FAM204A: variants seen among roughly 807,000 people sequenced by gnomAD.
FAM204A encodes the protein protein FAM204A.
A neutral mutation model predicts 35.4 loss-of-function variants in FAM204A; 16 were observed. That is an observed-to-expected ratio of 0.45 (90% CI 0.31 to 0.69). The LOEUF (loss-of-function observed/expected upper bound fraction) is 0.69, where lower values mean the gene tolerates loss of function less well. Among genes scored for constraint, FAM204A ranks in the 30% least tolerant of loss-of-function variants. The pLI is 0.07. For synonymous variants in FAM204A, 76 were observed against 86.9 expected, an observed-to-expected ratio of 0.88 and a Z score of 0.70; for missense variants, 240 against 265.7, an observed-to-expected ratio of 0.90 and a Z score of 0.67.
intron 7 of FAM204A, among the ~76,000 whole-genome samples, chr10:118,318,212 A>G (rs1164093201): frequency 6.6e-6 from 1 of 152,064 alleles, no homozygotes; most frequent in Non-Finnish European, 1.5e-5. Context: ...AACAAAAGAA[A>G]AAGTAAGGGA....
intron 2 of FAM204A, among the ~76,000 whole-genome samples, chr10:118,338,285 A>G (rs1292311932): frequency 6.6e-6 from 1 of 152,220 alleles, no homozygotes; most frequent in South Asian, 2.1e-4. Flanking sequence ...CCAATAGCAC[A>G]AAAGACATCA....
intron 7 of FAM204A, among the ~76,000 whole-genome samples, chr10:118,313,320 A>T (rs1845981933): frequency 6.6e-6 from 1 of 152,138 alleles, no homozygotes; most frequent in South Asian, 2.1e-4. Flanking sequence ...GCATCTCAAC[A>T]TGTGGCTTTC....
Position 118,337,367 on chromosome 10 carries a change from G to A in FAM204A, c.-8-944C>T, listed in dbSNP as rs751700596. 5.9e-4 allele frequency: 229 copies of A among 386,536 alleles called. 1 individual carries two copies. Among genetic ancestry groups the A allele is most frequent in the Middle Eastern group, 1.3e-3 (1 of 798 alleles). The allele number at this position is 386,536 out of a possible 1,614,324, so 23.9% of individuals were successfully genotyped here. On this transcript the variant is annotated intron_variant, in intron 2 of 8. Coordinates refer to ENST00000369183, the MANE Select transcript of FAM204A (RefSeq NM_022063.3). ...ATATGAAGGAATAAAATGGAAGGAC[G>A]GAAATTTGTTTTGCAGTTTTCTGTC...
At chr10:118,335,293 A>T in intron 5 of FAM204A, 80 bp from the exon 6 acceptor site, 1 of 1,548,458 alleles carries the variant, frequency 6.5e-7, no homozygotes, top group Non-Finnish European at 8.8e-7. Flanking sequence ...TACTACAATT[A>T]TACTACAATT....
rs1419897609 is a variant in FAM204A at position 118,306,918 on chromosome 10, G to A, written c.*3939C>T. On this transcript the variant is annotated 3_prime_UTR_variant, in exon 9 of 9. Coordinates refer to ENST00000369183, the MANE Select transcript of FAM204A (RefSeq NM_022063.3). ...TTCTTTTAAAGCAAGCAGTGTGGAGGGAGGATGAAATAATAAAGATTAAAG... is the reference window on the plus strand; with the variant it reads ...TTCTTTTAAAGCAAGCAGTGTGGAGAGAGGATGAAATAATAAAGATTAAAG... 1 of 152,048 alleles carries A rather than the reference G, an allele frequency of 6.6e-6. No homozygotes were observed. Among genetic ancestry groups the A allele is most frequent in the East Asian group, 1.9e-4 (1 of 5,190 alleles). 9.4% of individuals were successfully genotyped at this position (152,048 alleles called of 1,614,324 possible).
intron 6 of FAM204A, among the ~76,000 whole-genome samples, chr10:118,331,654 T>G (rs1339762417): frequency 6.6e-6 from 1 of 151,924 alleles, no homozygotes; most frequent in East Asian, 1.9e-4. Flanking sequence ...TATTAAATAT[T>G]TATTCTGTTA....
chr10:118,326,325 T>C (rs992426926), intron 6 of FAM204A, 82 bp from the exon 7 acceptor site: 2 of 1,152,118 alleles, frequency 1.7e-6, no homozygotes, highest in African/African-American at 3.1e-5. Flanking sequence ...AGAATTATAC[T>C]GAATGTGTTA....
chr10:118,301,265 G>A lies in FAM204A; in HGVS notation c.*9592C>T, dbSNP rs1845805814. 6.6e-6 allele frequency: 1 copy of A among 152,142 alleles called. No homozygotes were observed. The highest frequency in any genetic ancestry group is 1.5e-5 in the Non-Finnish European group (1 of 68,032). The allele number at this position is 152,142 out of a possible 1,614,324, so 9.4% of individuals were successfully genotyped here. On this transcript the variant is annotated 3_prime_UTR_variant, in exon 9 of 9. Transcript: ENST00000369183. Reference sequence around the variant, plus strand: ...CTTTCACAGAATTGTCAAGGACTACGAAGGGTCTGAGATTTCACCCTACTT... The same window carrying A: ...CTTTCACAGAATTGTCAAGGACTACAAAGGGTCTGAGATTTCACCCTACTT...
chr10:118,331,647 TAAATA>T (rs986349619), intron 6 of FAM204A, among the ~76,000 whole-genome samples: 5 of 152,106 alleles, frequency 3.3e-5, no homozygotes, highest in South Asian at 4.1e-4. Context: ...ATTCTGCTAT[TAAATA>T]TTTATTCTGT....
At chr10:118,311,092 G>T in intron 8 of FAM204A, 115 bp downstream of exon 8, 2 of 1,103,174 alleles carry the variant, frequency 1.8e-6, no homozygotes, top group Non-Finnish European at 2.7e-6. Context: ...AACATTCAAC[G>T]AAGAAAAAAA....
chr10:118,340,223 G>A (rs1218004606), intron 2 of FAM204A, among the ~76,000 whole-genome samples: 2 of 152,134 alleles, frequency 1.3e-5, no homozygotes, highest in Non-Finnish European at 2.9e-5. Flanking sequence ...CATAAATAAG[G>A]TTGAGTAGAC....
At chr10:118,329,911 G>A (rs1380741373) in intron 6 of FAM204A, among the ~76,000 whole-genome samples, 1 of 152,026 alleles carries the variant, frequency 6.6e-6, no homozygotes, top group Non-Finnish European at 1.5e-5. Flanking sequence ...ATTCACAACT[G>A]TAATATTGAA....
rs1466408953 is a variant in FAM204A at position 118,298,408 on chromosome 10, G to C, written c.*12449C>G. On this transcript the variant is annotated 3_prime_UTR_variant, in exon 9 of 9. Coordinates refer to ENST00000369183, the MANE Select transcript of FAM204A (RefSeq NM_022063.3). ...TAAAATCCGAATGCGATGTGTATCT[G>C]AATAAAGACGCTTATTCTCTCCTAC... 1 of 152,204 alleles carries C rather than the reference G, an allele frequency of 6.6e-6. No individual in the cohort carries two copies. The highest frequency in any genetic ancestry group is 6.5e-5 in the Admixed American group (1 of 15,276). 9.4% of individuals were successfully genotyped at this position (152,204 alleles called of 1,614,324 possible). A position where few individuals can be genotyped will look rare whatever the true frequency, so the allele number is the denominator to read the frequency against.
At chr10:118,316,880 T>A (rs1214233568) in intron 7 of FAM204A, among the ~76,000 whole-genome samples, 1 of 152,068 alleles carries the variant, frequency 6.6e-6, no homozygotes. Context: ...AGGGAGAAGA[T>A]GATGTTCTAC....
At chr10:118,330,831 G>C (rs1199635277) in intron 6 of FAM204A, among the ~76,000 whole-genome samples, 1 of 152,182 alleles carries the variant, frequency 6.6e-6, no homozygotes, top group Non-Finnish European at 1.5e-5. Flanking sequence ...CCTAGGTTCA[G>C]ACTAGCTCCT....
intron 6 of FAM204A, among the ~76,000 whole-genome samples, chr10:118,328,799 A>G (rs1564761201): frequency 6.6e-6 from 1 of 151,998 alleles, no homozygotes; most frequent in Admixed American, 6.6e-5. Context: ...CCATGTCCTC[A>G]TTCTTAAAAC....
intron 2 of FAM204A, among the ~76,000 whole-genome samples, chr10:118,340,524 T>C (rs954680128): frequency 6.6e-6 from 1 of 152,252 alleles, no homozygotes; most frequent in Non-Finnish European, 1.5e-5. Flanking sequence ...CTCCTGGATG[T>C]ATCACTCCAT....
rs1845938630 is a variant in FAM204A, at chr10:118,310,629, T to A, written c.*228A>T. The stretch of plus-strand genomic sequence containing the variant: ...AAATCCTATCCTCTTCTTTCTATAT[T>A]TTTTTTCTTACATTTCTTATACAAA... On this transcript the variant is annotated 3_prime_UTR_variant, in exon 9 of 9. Transcript: ENST00000369183. The A allele has an allele frequency of 2.0e-6, 1 of 497,200 alleles. No homozygotes were observed. Among genetic ancestry groups the A allele is most frequent in the Non-Finnish European group, 3.5e-6 (1 of 288,352 alleles). 30.8% of individuals were successfully genotyped at this position (497,200 alleles called of 1,614,324 possible).
chr10:118,324,101 T>C (rs1405657274), intron 7 of FAM204A, among the ~76,000 whole-genome samples: 2 of 152,132 alleles, frequency 1.3e-5, no homozygotes, highest in Non-Finnish European at 2.9e-5. Context: ...GAGATACCTG[T>C]ACCTTTCTAT....
Sources: gnomAD v4.1 joint callset for allele counts (sites outside exome capture counted in the v4.1 genomes callset) on GRCh38, gnomAD v4.1.1 for gene constraint, MANE v1.5 for transcripts, NCBI Gene and HGNC (gene_info 2026-07-23, HGNC 2026-07-21) for gene names.